Variants in DAB1 observed in about 807,000 individuals in gnomAD.
DAB1 encodes the protein disabled homolog 1.
In DAB1, 15 loss-of-function variants were observed where a neutral mutation model predicts 64.6. The ratio of observed to expected loss-of-function variants is 0.23; its 90% CI spans 0.16 to 0.36. The LOEUF is 0.36. DAB1 is among the 10% of genes least tolerant of loss of function. The probability of loss-of-function intolerance (pLI) is 1.00; values close to 1 mark genes in which losing one functional copy is unlikely to be tolerated. For missense variants in DAB1, 596 were observed against 706.7 expected (o/e 0.84, Z 1.78); for synonymous variants, 235 against 251.9 (o/e 0.93, Z 0.64).
intron 3 of DAB1, among the ~76,000 whole-genome samples, chr1:58,483,270 G>C (rs539431722): frequency 1.3e-5 from 2 of 152,240 alleles, no homozygotes; most frequent in African/African-American, 2.4e-5. Context: ...AACATATCTG[G>C]GCAAGGAATT....
At chr1:58,514,317 T>C (rs1325068462) in intron 2 of DAB1, among the ~76,000 whole-genome samples, 1 of 152,362 alleles carries the variant, frequency 6.6e-6, no homozygotes, top group Non-Finnish European at 1.5e-5. Flanking sequence ...AAATTGTTCT[T>C]ATAATTTCAC....
intron 1 of DAB1, among the ~76,000 whole-genome samples, chr1:57,842,666 A>C (rs1217221285): frequency 6.6e-6 from 1 of 152,050 alleles, no homozygotes; most frequent in Non-Finnish European, 1.5e-5. Context: ...CAAGGGGGGG[A>C]TGTGCCATAC....
chr1:57,047,510 C>G (rs147424924), intron 9 of DAB1, among the ~76,000 whole-genome samples: 31 of 151,996 alleles, frequency 2.0e-4, no homozygotes, highest in South Asian at 6.2e-4. Context: ...CACCCCCTCA[C>G]TACCAGATCC....
chr1:57,970,540 A>G (rs375844070), intron 5 of DAB1, among the ~76,000 whole-genome samples: 1 of 152,100 alleles, frequency 6.6e-6, no homozygotes, highest in South Asian at 2.1e-4. Context: ...GAAAACTGCC[A>G]TTGATGGGGA....
intron 6 of DAB1, among the ~76,000 whole-genome samples, chr1:57,740,506 T>C (rs1442811953): frequency 6.6e-6 from 1 of 152,206 alleles, no homozygotes; most frequent in African/African-American, 2.4e-5. Flanking sequence ...TGGCAAACAT[T>C]AAAGTGTCCA....
At chr1:57,061,408 C>A (rs958435458) in intron 9 of DAB1, among the ~76,000 whole-genome samples, 1 of 152,170 alleles carries the variant, frequency 6.6e-6, no homozygotes, top group East Asian at 1.9e-4. Flanking sequence ...CCAGAGCTCT[C>A]CTGTCCATCT....
intron 7 of DAB1, among the ~76,000 whole-genome samples, chr1:57,566,344 C>T (rs1210815978): frequency 3.9e-5 from 6 of 152,082 alleles, no homozygotes; most frequent in East Asian, 1.9e-4. Flanking sequence ...AAATTGACAA[C>T]CTAACATCAC....
At chr1:58,029,192 T>C (rs1035842054) in intron 5 of DAB1, among the ~76,000 whole-genome samples, 17 of 152,322 alleles carry the variant, frequency 1.1e-4, no homozygotes, top group Non-Finnish European at 1.9e-4. Flanking sequence ...GGTTAGTGTC[T>C]GGGTAGCCCT....
intron 5 of DAB1, among the ~76,000 whole-genome samples, chr1:57,980,279 C>T (rs201909976): frequency 1.3e-5 from 2 of 151,664 alleles, no homozygotes; most frequent in Admixed American, 1.3e-4. Flanking sequence ...AGCTCTGACT[C>T]GAGTCATCTC....
chr1:57,906,716 G>A (rs1269362870), intron 5 of DAB1, among the ~76,000 whole-genome samples: 1 of 152,164 alleles, frequency 6.6e-6, no homozygotes, highest in Non-Finnish European at 1.5e-5. Context: ...GGGTACCCGG[G>A]AGGAGAGAGA....
At chr1:58,056,531 A>C (rs1329814427) in intron 5 of DAB1, 6 of 985,470 alleles carry the variant, frequency 6.1e-6, no homozygotes, top group Non-Finnish European at 9.7e-6. Context: ...ATGTTGGGTT[A>C]TGTCACCTTG....
chr1:57,441,996 C>T (rs1385045183), intron 7 of DAB1, among the ~76,000 whole-genome samples: 1 of 152,108 alleles, frequency 6.6e-6, no homozygotes, highest in Non-Finnish European at 1.5e-5. Flanking sequence ...TGAGATGGTA[C>T]CTTATTGAAT....
chr1:58,315,224 A>G (rs1232804137), intron 4 of DAB1, among the ~76,000 whole-genome samples: 1 of 152,200 alleles, frequency 6.6e-6, no homozygotes, highest in Non-Finnish European at 1.5e-5. Context: ...GAATTCACAG[A>G]GATGAGCTGA....
At chr1:57,364,854 T>C (rs897910806) in intron 1 of DAB1, among the ~76,000 whole-genome samples, 1 of 148,622 alleles carries the variant, frequency 6.7e-6, no homozygotes, top group East Asian at 2.0e-4. Context: ...TATATATATA[T>C]GTATATATAT....
chr1:58,048,419 T>TTGTTATAGC, intron 5 of DAB1: 3 of 951,736 alleles, frequency 3.2e-6, no homozygotes, highest in Admixed American at 1.7e-5. Flanking sequence ...TCCACCTCTA[T>TTGTTATAGC]TGTTATAGCT....
At chr1:58,348,696 T>C (rs1191000417) in intron 3 of DAB1, among the ~76,000 whole-genome samples, 5 of 152,226 alleles carry the variant, frequency 3.3e-5, no homozygotes, top group African/African-American at 1.2e-4. Flanking sequence ...ATTCTAATTA[T>C]GTGATTTTAT....
At chr1:58,464,606 T>C (rs1645276171) in intron 3 of DAB1, among the ~76,000 whole-genome samples, 1 of 152,236 alleles carries the variant, frequency 6.6e-6, no homozygotes, top group African/African-American at 2.4e-5. Flanking sequence ...TGAGTTCCTT[T>C]TCCCTCATCT....
At chr1:57,899,406 G>C (rs1335498764) in intron 5 of DAB1, among the ~76,000 whole-genome samples, 2 of 152,064 alleles carry the variant, frequency 1.3e-5, no homozygotes, top group East Asian at 3.9e-4. Flanking sequence ...CTCTCATTAT[G>C]TCCTATTCAG....
chr1:58,261,789 T>A (rs1210383280), intron 4 of DAB1, among the ~76,000 whole-genome samples: 1 of 152,178 alleles, frequency 6.6e-6, no homozygotes, highest in Non-Finnish European at 1.5e-5. Context: ...ACTCCTGGGC[T>A]CAAGCAATCC....
Sources: allele counts gnomAD v4.1 joint callset (sites outside exome capture counted in the v4.1 genomes callset), GRCh38; gene constraint gnomAD v4.1.1; transcripts MANE v1.5; gene names NCBI Gene and HGNC (gene_info 2026-07-23, HGNC 2026-07-21).